Variants in TCERG1L observed in about 807,000 individuals in gnomAD.
TCERG1L encodes transcription elongation regulator 1 like.
TCERG1L carries 37 observed loss-of-function variants against 56.3 expected under a neutral mutation model. The ratio of observed to expected loss-of-function variants is 0.66; its 90% CI spans 0.51 to 0.87. The LOEUF (loss-of-function observed/expected upper bound fraction) is 0.87, where lower values mean the gene tolerates loss of function less well. Among genes scored for constraint, TCERG1L ranks in the 40% least tolerant of loss-of-function variants. The pLI is 0.00. For synonymous variants in TCERG1L, 324 were observed against 326.3 expected, an observed-to-expected ratio of 0.99 and a Z score of 0.08; for missense variants, 799 against 774.2, an observed-to-expected ratio of 1.03 and a Z score of -0.38.
chr10:131,233,991 G>A (rs188518635), intron 4 of TCERG1L, among the ~76,000 whole-genome samples: 66 of 152,288 alleles, frequency 4.3e-4, no homozygotes, highest in African/African-American at 1.5e-3. Context: ...TTGACTCTCT[G>A]TGTGTGTCTA....
chr10:131,254,777 C>T (rs1846150726), intron 4 of TCERG1L, among the ~76,000 whole-genome samples: 1 of 152,122 alleles, frequency 6.6e-6, no homozygotes, highest in South Asian at 2.1e-4. Flanking sequence ...AGACCCGGGG[C>T]AACGTACTGA....
chr10:131,146,297 G>C (rs1387064768), intron 7 of TCERG1L, among the ~76,000 whole-genome samples: 6 of 152,212 alleles, frequency 3.9e-5, no homozygotes, highest in African/African-American at 1.4e-4. Flanking sequence ...GATGCAAAAA[G>C]ACAGCCAGAG....
intron 4 of TCERG1L, among the ~76,000 whole-genome samples, chr10:131,189,683 G>A (rs1845284583): frequency 6.6e-6 from 1 of 152,060 alleles, no homozygotes; most frequent in African/African-American, 2.4e-5. Context: ...CATTTCCTTT[G>A]AGTAAATGTC....
At chr10:131,102,733 G>C (rs1845315858) in intron 10 of TCERG1L, among the ~76,000 whole-genome samples, 1 of 152,240 alleles carries the variant, frequency 6.6e-6, no homozygotes, top group African/African-American at 2.4e-5. Context: ...CCGCACACAT[G>C]GAGTCTAACT....
At chr10:131,148,692 C>CGGGCTGGAGAAAGGAATCAT (rs1317556842) in intron 6 of TCERG1L, among the ~76,000 whole-genome samples, 3 of 152,104 alleles carry the variant, frequency 2.0e-5, no homozygotes, top group Non-Finnish European at 4.4e-5. Context: ...AAAGGAATCA[C>CGGGCTGGAGAAAGGAATCAT]GAGCTCAGGG....
intron 11 of TCERG1L, among the ~76,000 whole-genome samples, chr10:131,096,834 C>T (rs925662033): frequency 1.3e-5 from 2 of 150,294 alleles, no homozygotes; most frequent in African/African-American, 2.5e-5. Context: ...TGCAGTGAGC[C>T]GAGATTGCAT....
Position 131,302,113 on chromosome 10 carries a change from C to A in TCERG1L, c.670+6098G>T, listed in dbSNP as rs566232001. The stretch of plus-strand genomic sequence containing the variant: ...CTAATGCATTTGTATGACTTTCTTG[C>A]GAGGCATAAATTGCTTCAATCACAA... On this transcript the variant is annotated intron_variant, in intron 3 of 11. Transcript: ENST00000368642. Among the ~76,000 whole-genome samples the A allele has an allele frequency of 1.3e-5, 2 of 151,962 alleles. 1 individual carries two copies. Among genetic ancestry groups the A allele is most frequent in the Admixed American group, 1.3e-4 (2 of 15,264 alleles).
chr10:131,095,299 G>T (rs547112108), intron 11 of TCERG1L: 108 of 152,454 alleles, frequency 7.1e-4, no homozygotes, highest in African/African-American at 2.3e-3. Context: ...CCCAGTCCCC[G>T]GTAGCTGCTC....
At chr10:131,127,568 G>A (rs543370491) in intron 8 of TCERG1L, among the ~76,000 whole-genome samples, 10 of 152,200 alleles carry the variant, frequency 6.6e-5, no homozygotes, top group Non-Finnish European at 1.3e-4. Context: ...ACAGACTGGT[G>A]AGCTCAGTAT....
In TCERG1L at chr10:131,311,636, C is replaced by A; in HGVS notation, c.-1G>T. The stretch of plus-strand genomic sequence containing the variant: ...GCTGGAACCTGGCGCCCGCCTGCAT[C>A]CTACATCCCCGCGCTGACGGCGGCG... On this transcript the variant is annotated 5_prime_UTR_variant, in exon 1 of 12. Transcript: ENST00000368642. This position sits in a 1 kb window ranked among gnomAD's most constrained non-coding sequence, Gnocchi z 4.0. The A allele has an allele frequency of 8.8e-7, 1 of 1,131,570 alleles. No individual in the cohort carries two copies. Among genetic ancestry groups the A allele is most frequent in the South Asian group, 4.3e-5 (1 of 23,338 alleles). 70.1% of individuals were successfully genotyped at this position (1,131,570 alleles called of 1,614,324 possible). A position where few individuals can be genotyped will look rare whatever the true frequency, so the allele number is the denominator to read the frequency against.
In TCERG1L at chr10:131,260,281, G is replaced by A. The variant is rs1482375928; in HGVS notation, c.834C>T (p.Pro278=). The A allele has an allele frequency of 2.1e-6, 3 of 1,407,230 alleles. No homozygotes were observed. Among genetic ancestry groups the A allele is most frequent in the Non-Finnish European group, 2.8e-6 (3 of 1,077,506 alleles). 87.2% of individuals were successfully genotyped at this position (1,407,230 alleles called of 1,614,324 possible). ...HFLTLAPIKI[P]LRTSPVSDTR... is the part of the protein sequence containing the mutation. Reference sequence around the variant, plus strand: ...TACCTGAGACGGGGGACGTCCGGAGGGGTATTTTGATGGGTGCCAAGGTCA... The same window carrying A: ...TACCTGAGACGGGGGACGTCCGGAGAGGTATTTTGATGGGTGCCAAGGTCA... Residue 278 remains proline (P), a synonymous_variant, in exon 4 of 12, where the codon CCC becomes CCT. Coordinates refer to ENST00000368642, the MANE Select transcript of TCERG1L (RefSeq NM_174937.4). This position sits in a 1 kb window ranked among gnomAD's most constrained non-coding sequence, Gnocchi z 5.8.
chr10:131,262,735 T>C (rs1724146477), intron 3 of TCERG1L, among the ~76,000 whole-genome samples: 1 of 152,162 alleles, frequency 6.6e-6, no homozygotes, highest in African/African-American at 2.4e-5. Flanking sequence ...TGTAGGATCA[T>C]ACAGAGCATT....
At chr10:131,124,731 C>A (rs768662722) in intron 8 of TCERG1L, among the ~76,000 whole-genome samples, 1 of 152,168 alleles carries the variant, frequency 6.6e-6, no homozygotes, top group African/African-American at 2.4e-5. Context: ...ATGACAACAA[C>A]AACAACAACA....
chr10:131,227,581 T>C (rs1015712114), intron 4 of TCERG1L, among the ~76,000 whole-genome samples: 2 of 152,180 alleles, frequency 1.3e-5, no homozygotes, highest in Non-Finnish European at 2.9e-5. Context: ...GCCCAGCCCA[T>C]GCGCCTGCAT....
chr10:131,229,089 C>A (rs147419557), intron 4 of TCERG1L, among the ~76,000 whole-genome samples: 3 of 90,784 alleles, frequency 3.3e-5, no homozygotes, highest in South Asian at 3.6e-4. Context: ...TCAAGGCCTC[C>A]GGAGTCTTCC....
intron 6 of TCERG1L, among the ~76,000 whole-genome samples, chr10:131,150,330 A>G (rs2133418705): frequency 1.2e-5 from 1 of 80,478 alleles, no homozygotes; most frequent in East Asian, 3.9e-4. Flanking sequence ...GCCAGGGGCC[A>G]GATGCTCACT....
At chr10:131,131,864 G>A (rs1845622281) in intron 8 of TCERG1L, among the ~76,000 whole-genome samples, 1 of 152,166 alleles carries the variant, frequency 6.6e-6, no homozygotes, top group Admixed American at 6.5e-5. Flanking sequence ...AAAAAGCGCA[G>A]GTCCAAATGA....
chr10:131,274,204 T>G (rs141943556), intron 3 of TCERG1L, among the ~76,000 whole-genome samples: 2 of 152,270 alleles, frequency 1.3e-5, no homozygotes, highest in East Asian at 3.9e-4. Context: ...TCAGAAAATA[T>G]CCACATTTTC....
intron 4 of TCERG1L, among the ~76,000 whole-genome samples, chr10:131,190,338 C>T (rs894309169): frequency 6.6e-6 from 1 of 152,102 alleles, no homozygotes; most frequent in African/African-American, 2.4e-5. Context: ...CTGCATTCTA[C>T]CAGACATTCA....
Sources: gnomAD v4.1 joint callset for allele counts (sites outside exome capture counted in the v4.1 genomes callset) on GRCh38, gnomAD v4.1.1 for gene constraint, Gnocchi (gnomAD v3.1) non-coding constraint, MANE v1.5 for transcripts, NCBI Gene and HGNC (gene_info 2026-07-23, HGNC 2026-07-21) for gene names.